Variants in TENT4B observed in about 807,000 individuals in gnomAD.
TENT4B encodes the protein PAP associated domain containing 5.
TENT4B carries 10 observed loss-of-function variants against 75.0 expected under a neutral mutation model. The observed-to-expected ratio is 0.13, with a 90% CI of 0.08 to 0.23. The LOEUF (loss-of-function observed/expected upper bound fraction) is 0.23. Among genes scored for constraint, TENT4B ranks in the 10% least tolerant of loss-of-function variants. The pLI is 1.00. For missense variants in TENT4B, 579 were observed against 893.8 expected (o/e 0.65, Z 4.49); for synonymous variants, 350 against 357.7 (o/e 0.98, Z 0.24).
chr16:50,228,194 C>A (rs2032142983), intron 11 of TENT4B, among the ~76,000 whole-genome samples, 191 bp downstream of exon 11: 3 of 152,286 alleles, frequency 2.0e-5, no homozygotes, highest in Admixed American at 1.3e-4. Flanking sequence ...TTGTGAGACA[C>A]CATTGTAACA....
rs1235927003 is a variant in TENT4B at position 50,226,779 on chromosome 16, G to T, written c.1801-1060G>T. The stretch of plus-strand genomic sequence containing the variant: ...CAGCATTAAAAATGTACAATTCAGT[G>T]GTTTTTAGAACATATTCACAATGTT... On this transcript the variant is annotated intron_variant, in intron 10 of 11. Coordinates refer to ENST00000561678, the MANE Select transcript of TENT4B (RefSeq NM_001365324.3). 7.9e-5 allele frequency among the ~76,000 whole-genome samples: 12 copies of T among 152,210 alleles called. No homozygotes were observed. The East Asian group carries it at 2.3e-3, about 29-fold the overall frequency.
chr16:50,172,504 A>G lies in TENT4B; in HGVS notation c.638+18245A>G, dbSNP rs913846774. On this transcript the variant is annotated intron_variant, in intron 1 of 11. Coordinates refer to ENST00000561678, the MANE Select transcript of TENT4B (RefSeq NM_001365324.3). ...TTGACTATATATTTTAATAGAATTT[A>G]TTACTTTTTTTTTTTTTTTTAGCAG... 6.1e-5 allele frequency among the ~76,000 whole-genome samples: 5 copies of G among 81,968 alleles called. No individual in the cohort carries two copies. In the South Asian group the frequency reaches 2.3e-3, roughly 38 times the overall value. The allele number at this position is 81,968 out of a possible 152,430, so 53.8% of individuals were successfully genotyped here. A position where few individuals can be genotyped will look rare whatever the true frequency, so the allele number is the denominator to read the frequency against.
At chr16:50,178,266 G>A (rs1284058662) in intron 1 of TENT4B, among the ~76,000 whole-genome samples, 15 of 151,154 alleles carry the variant, frequency 9.9e-5, no homozygotes, top group Admixed American at 9.3e-4. Context: ...GACCAGCCTG[G>A]GCAACATATA....
intron 7 of TENT4B, among the ~76,000 whole-genome samples, chr16:50,223,593 G>A (rs1456351080): frequency 6.6e-6 from 1 of 152,166 alleles, no homozygotes; most frequent in Non-Finnish European, 1.5e-5. Flanking sequence ...AGATAAGTAG[G>A]GAGTAGAATC....
intron 4 of TENT4B, 38 bp from the exon 5 acceptor site, chr16:50,217,518 G>A (rs2031621372): frequency 8.7e-7 from 1 of 1,147,226 alleles, no homozygotes; most frequent in African/African-American, 1.6e-5. Flanking sequence ...ATTTAATCTG[G>A]TTAAAGCATT....
At chr16:50,182,890 CCTTTTTTTT>C (rs1192793919) in intron 1 of TENT4B, among the ~76,000 whole-genome samples, 13 of 8,268 alleles carry the variant, frequency 1.6e-3, no homozygotes, top group Non-Finnish European at 4.6e-3. Flanking sequence ...TTTTATTTTA[CCTTTTTTTT>C]TTTTTTTTTT....
chr16:50,153,074 C>G (rs1328306818), upstream of TENT4B: 5 of 1,404,556 alleles, frequency 3.6e-6, no homozygotes, highest in Non-Finnish European at 4.7e-6. Context: ...TACGGTTGGG[C>G]CAGGCGGTTG....
chr16:50,174,136 C>T (rs1291025768), intron 1 of TENT4B, among the ~76,000 whole-genome samples: 4 of 152,014 alleles, frequency 2.6e-5, no homozygotes, highest in East Asian at 3.9e-4. Context: ...CTTGCTCTGT[C>T]GCCCAGTCTG....
chr16:50,167,458 T>C (rs1361984669), intron 1 of TENT4B, among the ~76,000 whole-genome samples: 1 of 151,990 alleles, frequency 6.6e-6, no homozygotes, highest in African/African-American at 2.4e-5. Context: ...TTTAATCTTT[T>C]CATTTTCTTG....
intron 1 of TENT4B, among the ~76,000 whole-genome samples, chr16:50,162,867 T>C (rs1207569697): frequency 6.6e-6 from 1 of 152,202 alleles, no homozygotes; most frequent in Non-Finnish European, 1.5e-5. Context: ...TATGAGGATA[T>C]TTTATAGTCT....
At chr16:50,222,035 G>C (rs1469282348) in intron 5 of TENT4B, among the ~76,000 whole-genome samples, 1 of 152,118 alleles carries the variant, frequency 6.6e-6, no homozygotes, top group Non-Finnish European at 1.5e-5. Context: ...AAAGTGCTAG[G>C]ATTACAGGCA....
intron 5 of TENT4B, among the ~76,000 whole-genome samples, chr16:50,218,014 C>T (rs193230185): frequency 2.3e-3 from 345 of 151,950 alleles, no homozygotes; most frequent in Non-Finnish European, 4.1e-3. Flanking sequence ...GCCTTAGCCT[C>T]CCAAAGCACT....
At chr16:50,168,112 A>T (rs545752538) in intron 1 of TENT4B, among the ~76,000 whole-genome samples, 8 of 88,614 alleles carry the variant, frequency 9.0e-5, no homozygotes, top group South Asian at 8.9e-4. Flanking sequence ...AAAAATAATT[A>T]AAAAAAAAAA....
At chr16:50,214,427 G>C (rs1228004170) in intron 3 of TENT4B, among the ~76,000 whole-genome samples, 160 bp downstream of exon 3, 1 of 152,122 alleles carries the variant, frequency 6.6e-6, no homozygotes, top group African/African-American at 2.4e-5. Flanking sequence ...AGGCCAAGGA[G>C]GGTGGATCAT....
chr16:50,187,734 T>C (rs767950715), intron 1 of TENT4B, among the ~76,000 whole-genome samples: 1 of 152,006 alleles, frequency 6.6e-6, no homozygotes, highest in Non-Finnish European at 1.5e-5. Flanking sequence ...TACTTAGGAA[T>C]GCACATAAGG....
At chr16:50,213,588 G>T (rs965081611) in intron 2 of TENT4B, among the ~76,000 whole-genome samples, 1 of 152,162 alleles carries the variant, frequency 6.6e-6, no homozygotes, top group African/African-American at 2.4e-5. Context: ...TGAAGGATTT[G>T]TGATTGTGTC....
chr16:50,166,913 A>C (rs1405357133), intron 1 of TENT4B, among the ~76,000 whole-genome samples: 1 of 151,630 alleles, frequency 6.6e-6, no homozygotes, highest in Non-Finnish European at 1.5e-5. Context: ...TAGAGGCATG[A>C]GCCACTGTGC....
In TENT4B at chr16:50,214,362, A is replaced by G. The variant is rs528975720; in HGVS notation, c.809+95A>G. Reference sequence around the variant, plus strand: ...AGGAGTAGAAACAAAACAAATTTATAAAACAAAATGGGGCTGGGCATGGTG... The same window carrying G: ...AGGAGTAGAAACAAAACAAATTTATGAAACAAAATGGGGCTGGGCATGGTG... On this transcript the variant is annotated intron_variant, in intron 3 of 11. Transcript: ENST00000561678. 43 of 978,388 alleles carry G rather than the reference A, an allele frequency of 4.4e-5. No homozygotes were observed. The African/African-American group carries it at 6.6e-4, about 15-fold the overall frequency. The allele number at this position is 978,388 out of a possible 1,614,324, so 60.6% of individuals were successfully genotyped here. A position where few individuals can be genotyped will look rare whatever the true frequency, so the allele number is the denominator to read the frequency against.
At chr16:50,217,716 A>T in intron 5 of TENT4B, 53 bp downstream of exon 5, 1 of 1,103,908 alleles carries the variant, frequency 9.1e-7, no homozygotes, top group Admixed American at 2.9e-5. Context: ...TAATTTTAAG[A>T]TTCTGTTGTG....
Sources: gnomAD v4.1 joint callset for allele counts (sites outside exome capture counted in the v4.1 genomes callset) on GRCh38, gnomAD v4.1.1 for gene constraint, MANE v1.5 for transcripts, NCBI Gene and HGNC (gene_info 2026-07-23, HGNC 2026-07-21) for gene names.